ZNF615: variants seen among roughly 807,000 people sequenced by gnomAD.
The protein encoded by ZNF615 is zinc finger protein 615.
A neutral mutation model predicts 15.3 loss-of-function variants in ZNF615; 15 were observed. That is an observed-to-expected ratio of 0.98 (90% CI 0.66 to 1.51). The LOEUF (loss-of-function observed/expected upper bound fraction) is 1.51. Among genes scored for constraint, ZNF615 ranks in the 40% most tolerant of loss-of-function variants. The pLI, the probability that ZNF615 is intolerant of heterozygous loss-of-function variation, is 0.00. For missense variants in ZNF615, 848 were observed against 895.9 expected, an observed-to-expected ratio of 0.95 and a Z score of 0.68; for synonymous variants, 268 against 294.6, an observed-to-expected ratio of 0.91 and a Z score of 0.92.
rs148289780 is a variant in ZNF615 at position 51,993,133 on chromosome 19, C to A, written c.1976G>T (p.Gly659Val). Residue 659 changes from glycine (G) to valine (V), a missense_variant, in exon 7 of 7, where the codon GGA becomes GTA. By Grantham distance (109) the Gly-to-Val change is moderately radical. Coordinates refer to ENST00000598071, the MANE Select transcript of ZNF615 (RefSeq NM_001199324.2). ...TTCAGTACATGCAAAGGAAGTCTTT[C>A]CTGTGTGAAATCGCTGATGTTGTAT... ...CLIQHQRFHT[G>V]KTSFACTECG... 3.1e-6 allele frequency: 5 copies of A among 1,614,050 alleles called. No individual in the cohort carries two copies. The African/African-American group carries it at 5.3e-5, about 17-fold the overall frequency.
intron 2 of ZNF615, among the ~76,000 whole-genome samples, chr19:52,006,674 A>C (rs2086761507): frequency 6.6e-6 from 1 of 152,214 alleles, no homozygotes; most frequent in African/African-American, 2.4e-5. Context: ...AATGATTCAC[A>C]AACAGAGGAA....
chr19:51,998,797 G>A (rs2086512949), intron 6 of ZNF615, among the ~76,000 whole-genome samples: 1 of 152,092 alleles, frequency 6.6e-6, no homozygotes, highest in Non-Finnish European at 1.5e-5. Context: ...TGGGATTATA[G>A]GCACATACCA....
In ZNF615 at chr19:51,993,128, T is replaced by A. The variant is rs775448403; in HGVS notation, c.1981A>T (p.Thr661Ser). The change falls in exon 7 of 7, where the codon ACT (threonine) becomes TCT (serine). Residue 661 changes from threonine to serine, a missense_variant. Thr to Ser is a moderately conservative substitution (Grantham distance 58). Coordinates refer to ENST00000598071, the MANE Select transcript of ZNF615 (RefSeq NM_001199324.2). ...CCACATTCAGTACATGCAAAGGAAG[T>A]CTTTCCTGTGTGAAATCGCTGATGT... ...IQHQRFHTGK[T>S]SFACTECGKF... 2 of 1,614,212 alleles carry A rather than the reference T, an allele frequency of 1.2e-6. No homozygotes were observed. Among genetic ancestry groups the A allele is most frequent in the South Asian group, 2.2e-5 (2 of 91,084 alleles).
chr19:52,002,117 T>G, intron 4 of ZNF615, 38 bp downstream of exon 4: 1 of 1,614,204 alleles, frequency 6.2e-7, no homozygotes, highest in Non-Finnish European at 8.5e-7. Context: ...GGCCACTGAC[T>G]GGGCACCCTC....
intron 6 of ZNF615, among the ~76,000 whole-genome samples, chr19:51,999,789 C>T (rs762633290): frequency 1.2e-4 from 19 of 152,132 alleles, no homozygotes; most frequent in East Asian, 3.9e-4. Flanking sequence ...AAATAATATA[C>T]GATATTAAAA....
intron 6 of ZNF615, among the ~76,000 whole-genome samples, chr19:51,996,184 G>A (rs2086421286): frequency 6.6e-6 from 1 of 151,982 alleles, no homozygotes; most frequent in Non-Finnish European, 1.5e-5. Flanking sequence ...GAGGCCAGGA[G>A]TTCAAGACCA....
intron 2 of ZNF615, among the ~76,000 whole-genome samples, chr19:52,004,258 T>C (rs901557225): frequency 1.3e-5 from 2 of 152,206 alleles, no homozygotes; most frequent in Non-Finnish European, 2.9e-5. Context: ...AAACCATGTG[T>C]ACCCATCTAC....
intron 6 of ZNF615, 143 bp downstream of exon 6, chr19:52,000,203 T>A (rs1347256852): frequency 2.4e-6 from 1 of 422,964 alleles, no homozygotes; most frequent in East Asian, 3.5e-5. Flanking sequence ...ACAGGAACAA[T>A]AGACACTGGG....
At chr19:52,000,828 C>T (rs558959224) in intron 5 of ZNF615, among the ~76,000 whole-genome samples, 1 of 152,106 alleles carries the variant, frequency 6.6e-6, no homozygotes, top group South Asian at 2.1e-4. Flanking sequence ...TGATGTGTGC[C>T]TGTAGTCCCA....
At chr19:51,997,806 G>A (rs74476955) in intron 6 of ZNF615, among the ~76,000 whole-genome samples, 20,710 of 152,118 alleles carry the variant, frequency 0.14, 1,551 homozygotes, top group South Asian at 0.27. Context: ...GACTCTGGGT[G>A]GCTACAGACA....
At chr19:51,996,711 G>C (rs2086452570) in intron 6 of ZNF615, among the ~76,000 whole-genome samples, 1 of 152,196 alleles carries the variant, frequency 6.6e-6, no homozygotes, top group South Asian at 2.1e-4. Flanking sequence ...AAGGCACAGG[G>C]CCAGGGATCT....
Position 52,000,405 on chromosome 19 carries a change from T to C in ZNF615, c.239-27A>G, listed in dbSNP as rs58197197. ...TAAAATAAAAACATAAAAGATAAAA[T>C]AAAATTAAAAAAATAAAATTATATA... On this transcript the variant is annotated intron_variant, in intron 5 of 6. Transcript: ENST00000598071. 0.19 allele frequency: 114,762 copies of C among 612,712 alleles called. 11,778 individuals are homozygous for C. The highest frequency in any genetic ancestry group is 0.29 in the South Asian group (14,446 of 49,014). 38.0% of individuals were successfully genotyped at this position (612,712 alleles called of 1,614,324 possible).
At chr19:52,004,286 T>C (rs560605806) in intron 2 of ZNF615, 2 of 152,376 alleles carry the variant, frequency 1.3e-5, no homozygotes, top group Admixed American at 6.5e-5. Flanking sequence ...GAGGTCTTTT[T>C]ACATTCTAGG....
In ZNF615 at chr19:51,993,504, CT is replaced by C; in HGVS notation, c.1604del (p.Lys535ArgfsTer4). 6.2e-7 allele frequency: 1 copy of C among 1,613,918 alleles called. No individual in the cohort carries two copies. The highest frequency in any genetic ancestry group is 8.5e-7 in the Non-Finnish European group (1 of 1,179,990). ...TTCGTTGATGTCCCATTAGCCGGAT[CT>C]TTGCTGGAAAGCCTTTTCCACACTC... is the stretch of plus-strand genomic sequence containing the variant. ...CGECGKGFPA[K>X]IRLMGHQRTH... On this transcript the variant is annotated frameshift_variant, in exon 7 of 7. Coordinates refer to ENST00000598071, the MANE Select transcript of ZNF615 (RefSeq NM_001199324.2). LOFTEE classifies it low-confidence loss of function (END_TRUNC).
rs561789386 is a variant in ZNF615, at chr19:51,994,377, T to C, written c.732A>G (p.Val244=). 2 of 1,614,178 alleles carry C rather than the reference T, an allele frequency of 1.2e-6. No individual in the cohort carries two copies. Among genetic ancestry groups the C allele is most frequent in the African/African-American group, 1.3e-5 (1 of 75,056 alleles). ...AGAAAGCTTTCCCACACATACTGCA[T>C]ACATGAGGTTTTTCTCCAGTGTGAA... is the stretch of plus-strand genomic sequence containing the variant. ...QRVHTGEKPH[V]CSMCGKAFSR... is the part of the protein sequence containing the mutation. The change falls in exon 7 of 7, where the codon GTA becomes GTG. Residue 244 remains valine, a synonymous_variant. Coordinates refer to ENST00000598071, the MANE Select transcript of ZNF615 (RefSeq NM_001199324.2).
In ZNF615 at chr19:51,992,197, A is replaced by G. The variant is rs955956312; in HGVS notation, c.*683T>C. The G allele has an allele frequency of 6.6e-6, 1 of 152,238 alleles. No individual in the cohort carries two copies. The highest frequency in any genetic ancestry group is 1.9e-4 in the East Asian group (1 of 5,192). 9.4% of individuals were successfully genotyped at this position (152,238 alleles called of 1,614,324 possible). A position where few individuals can be genotyped will look rare whatever the true frequency, so the allele number is the denominator to read the frequency against. On this transcript the variant is annotated 3_prime_UTR_variant, in exon 7 of 7. Transcript: ENST00000598071. Reference sequence around the variant, plus strand: ...AAAATACTCCGGTATTATATACAATATTAAATTTTAGTTCGTGATTAGAGG... The same window carrying G: ...AAAATACTCCGGTATTATATACAATGTTAAATTTTAGTTCGTGATTAGAGG...
chr19:51,993,024 G>A lies in ZNF615; in HGVS notation c.2085C>T (p.Asp695=), dbSNP rs749454090. The change falls in exon 7 of 7, where the codon GAC becomes GAT. Residue 695 remains aspartate (D), a synonymous_variant. Coordinates refer to ENST00000598071, the MANE Select transcript of ZNF615 (RefSeq NM_001199324.2). The part of the protein sequence containing the change: ...HTGEKPYKCS[D]CGKAFTTKSG... Reference sequence around the variant, plus strand: ...ATTTTGTAGTGAAGGCTTTCCCGCAGTCACTGCATTTGTACGGTTTCTCTC... The same window carrying A: ...ATTTTGTAGTGAAGGCTTTCCCGCAATCACTGCATTTGTACGGTTTCTCTC... 2 of 1,614,178 alleles carry A rather than the reference G, an allele frequency of 1.2e-6. No homozygotes were observed. Among genetic ancestry groups the A allele is most frequent in the Admixed American group, 1.7e-5 (1 of 60,028 alleles).
At chr19:52,000,224 G>A in intron 6 of ZNF615, 122 bp downstream of exon 6, 2 of 458,458 alleles carry the variant, frequency 4.4e-6, no homozygotes, top group African/African-American at 2.0e-5. Context: ...GACTCCAAGA[G>A]GAAGAAGGGA....
intron 6 of ZNF615, among the ~76,000 whole-genome samples, chr19:51,995,121 T>A (rs1214125541): frequency 6.6e-6 from 1 of 152,190 alleles, no homozygotes; most frequent in Non-Finnish European, 1.5e-5. Context: ...TATTTTAGTA[T>A]AAAGGAAACT....
Sources: allele counts gnomAD v4.1 joint callset (sites outside exome capture counted in the v4.1 genomes callset), GRCh38; gene constraint gnomAD v4.1.1; transcripts MANE v1.5; gene names NCBI Gene and HGNC (gene_info 2026-07-23, HGNC 2026-07-21).